The following ACSM3 variants were observed in gnomAD, a reference collection of about 807,000 sequenced individuals.
ACSM3 encodes the protein acyl-coenzyme A synthetase ACSM3, mitochondrial.
Under a neutral mutation model 74.1 loss-of-function variants are expected in ACSM3, and 61 were observed. That is an observed-to-expected ratio of 0.82 (90% CI 0.67 to 1.02). The LOEUF is 1.02. ACSM3 is among the 50% of genes least tolerant of loss of function. The probability of loss-of-function intolerance (pLI) is 0.00; values close to 1 mark genes in which losing one functional copy is unlikely to be tolerated. For synonymous variants in ACSM3, 213 were observed against 241.5 expected, an observed-to-expected ratio of 0.88 and a Z score of 1.09; for missense variants, 660 against 697.0, an observed-to-expected ratio of 0.95 and a Z score of 0.60.
intron 3 of ACSM3, among the ~76,000 whole-genome samples, chr16:20,756,385 T>C (rs922989633): frequency 4.6e-5 from 7 of 152,098 alleles, no homozygotes; most frequent in African/African-American, 1.4e-4. Context: ...TGATGGCCAG[T>C]GATGATGAGC....
intron 1 of ACSM3, among the ~76,000 whole-genome samples, chr16:20,726,687 C>G (rs1016350589): frequency 6.6e-6 from 1 of 152,204 alleles, no homozygotes; most frequent in African/African-American, 2.4e-5. Flanking sequence ...CAGGGCCCTA[C>G]TACTTACTAA....
intron 1 of ACSM3, among the ~76,000 whole-genome samples, chr16:20,713,938 C>CAA (rs1443698726): frequency 2.0e-5 from 3 of 152,118 alleles, no homozygotes; most frequent in Non-Finnish European, 4.4e-5. Flanking sequence ...ATAATGTGGG[C>CAA]TAATTTTACA....
At chr16:20,682,621 C>T (rs1336955285) in intron 1 of ACSM3, among the ~76,000 whole-genome samples, 2 of 152,198 alleles carry the variant, frequency 1.3e-5, no homozygotes, top group Non-Finnish European at 2.9e-5. Context: ...GAATCTCACA[C>T]CCTGTTTCAA....
At chr16:20,685,846 A>T (rs1388297100) in intron 1 of ACSM3, among the ~76,000 whole-genome samples, 1 of 102,688 alleles carries the variant, frequency 9.7e-6, no homozygotes, top group East Asian at 3.1e-4. Flanking sequence ...CAAAAAAAAA[A>T]CAAAAAACTT....
chr16:20,777,068 T>A (rs2080264610), intron 3 of ACSM3, among the ~76,000 whole-genome samples: 1 of 152,198 alleles, frequency 6.6e-6, no homozygotes. Flanking sequence ...AAATACTCAA[T>A]AAATATTGGT....
chr16:20,785,375 C>T (rs1051395112), intron 8 of ACSM3, among the ~76,000 whole-genome samples: 25 of 152,134 alleles, frequency 1.6e-4, no homozygotes, highest in Non-Finnish European at 2.9e-4. Context: ...AATACTGGAT[C>T]TACTGAAAGA....
At chr16:20,729,192 G>T in intron 1 of ACSM3, 1 of 724,284 alleles carries the variant, frequency 1.4e-6, no homozygotes, top group South Asian at 1.5e-5. Flanking sequence ...TTTCTGTTCT[G>T]ACCAAACTAA....
chr16:20,709,671 TTCCTTA>T (rs1343687033), intron 1 of ACSM3, among the ~76,000 whole-genome samples: 1 of 152,360 alleles, frequency 6.6e-6, no homozygotes, highest in Admixed American at 6.5e-5. Flanking sequence ...CTTAACCCAC[TTCCTTA>T]TCCTTATACA....
chr16:20,777,289 G>T, intron 3 of ACSM3, 84 bp from the exon 4 acceptor site: 1 of 1,230,288 alleles, frequency 8.1e-7, no homozygotes, highest in Non-Finnish European at 1.1e-6. Context: ...GAGAAATACA[G>T]AATGTATAGA....
At chr16:20,698,311 A>T (rs1431007351) in intron 1 of ACSM3, among the ~76,000 whole-genome samples, 3 of 151,998 alleles carry the variant, frequency 2.0e-5, no homozygotes, top group Non-Finnish European at 2.9e-5. Flanking sequence ...CTCTGTGGCT[A>T]ACCTGCTCCC....
At chr16:20,752,575 C>T (rs1043103167) in intron 2 of ACSM3, among the ~76,000 whole-genome samples, 1 of 152,098 alleles carries the variant, frequency 6.6e-6, no homozygotes, top group Non-Finnish European at 1.5e-5. Context: ...TGTCGGAATC[C>T]TTCTTAGATA....
At chr16:20,698,418 C>A in intron 1 of ACSM3, among the ~76,000 whole-genome samples, 1 of 152,040 alleles carries the variant, frequency 6.6e-6, no homozygotes. Flanking sequence ...GGTCTGGAGG[C>A]AGAAAGGTCT....
At chr16:20,677,057 G>C (rs562112268) in intron 1 of ACSM3, among the ~76,000 whole-genome samples, 1 of 152,098 alleles carries the variant, frequency 6.6e-6, no homozygotes, top group East Asian at 1.9e-4. Context: ...CAATCTGTTT[G>C]TGCACTTCCT....
intron 1 of ACSM3, among the ~76,000 whole-genome samples, chr16:20,720,257 A>G (rs1395494645): frequency 6.6e-6 from 1 of 152,196 alleles, no homozygotes; most frequent in African/African-American, 2.4e-5. Flanking sequence ...ACAACTTACC[A>G]TAATGTAGAA....
intron 12 of ACSM3, 137 bp downstream of exon 12, chr16:20,792,472 A>G: frequency 6.6e-7 from 1 of 1,504,386 alleles, no homozygotes; most frequent in East Asian, 2.4e-5. Context: ...TATGCTAGTC[A>G]GAAAGAACTG....
intron 1 of ACSM3, among the ~76,000 whole-genome samples, chr16:20,678,464 C>T (rs1338202137): frequency 6.6e-6 from 1 of 152,168 alleles, no homozygotes; most frequent in Non-Finnish European, 1.5e-5. Context: ...AGAAGCCATG[C>T]CATGTGAAAA....
At chr16:20,718,321 C>T (rs1441733390) in intron 1 of ACSM3, 8 of 711,700 alleles carry the variant, frequency 1.1e-5, no homozygotes, top group Non-Finnish European at 1.6e-5. Context: ...TCTTACACCA[C>T]CATCTTGGGG....
At chr16:20,726,687 C>T (rs1016350589) in intron 1 of ACSM3, among the ~76,000 whole-genome samples, 1 of 152,204 alleles carries the variant, frequency 6.6e-6, no homozygotes, top group Admixed American at 6.5e-5. Context: ...CAGGGCCCTA[C>T]TACTTACTAA....
intron 1 of ACSM3, among the ~76,000 whole-genome samples, chr16:20,707,750 A>T (rs941433628): frequency 6.6e-6 from 1 of 152,226 alleles, no homozygotes; most frequent in African/African-American, 2.4e-5. Context: ...ACAGAACACA[A>T]ACCTGCCAAA....
Sources: allele counts gnomAD v4.1 joint callset (sites outside exome capture counted in the v4.1 genomes callset), GRCh38; gene constraint gnomAD v4.1.1; transcripts MANE v1.5; gene names NCBI Gene and HGNC (gene_info 2026-07-23, HGNC 2026-07-21).